Variants in ST7L observed in about 807,000 individuals in gnomAD.
The protein encoded by ST7L is suppression of tumorigenicity 7 like.
Under a neutral mutation model 72.5 loss-of-function variants are expected in ST7L, and 57 were observed. The observed-to-expected ratio is 0.79, with a 90% CI of 0.64 to 0.98. ST7L has a LOEUF of 0.98. Ranked by LOEUF, ST7L falls within the 50% of genes least tolerant of loss-of-function variation. The pLI is 0.00. For missense variants in ST7L, 576 were observed against 672.2 expected, an observed-to-expected ratio of 0.86 and a Z score of 1.58; for synonymous variants, 221 against 240.9, an observed-to-expected ratio of 0.92 and a Z score of 0.77.
downstream of ST7L, chr1:112,520,362 G>A (rs1183203178): frequency 1.9e-6 from 3 of 1,614,156 alleles, no homozygotes; most frequent in Non-Finnish European, 2.5e-6. Context: ...GTGGCCGAGG[G>A]TACGACACAA....
chr1:112,584,285 C>T (rs1409313688), intron 6 of ST7L, among the ~76,000 whole-genome samples, 159 bp from the exon 7 acceptor site: 4 of 151,260 alleles, frequency 2.6e-5, no homozygotes, highest in African/African-American at 9.7e-5. Flanking sequence ...AATAGGGGCA[C>T]ATTGGTATAT....
chr1:112,619,060 T>A lies in ST7L; in HGVS notation c.54A>T (p.Ala18=), dbSNP rs781324128. The change falls in exon 1 of 15, where the codon GCA becomes GCT. Residue 18 remains alanine, a synonymous_variant. Transcript: ENST00000358039. Reference sequence around the variant, plus strand: ...GCGTCGGGTTTAGGCCAGGGACAGATGCAGGAGACGCTCCAACAGCTGCGG... The same window carrying A: ...GCGTCGGGTTTAGGCCAGGGACAGAAGCAGGAGACGCTCCAACAGCTGCGG... ...GEAAAVGASP[A]SVPGLNPTLG... 1.1e-5 allele frequency: 17 copies of A among 1,613,794 alleles called. No homozygotes were observed. In the South Asian group the frequency reaches 1.6e-4, roughly 16 times the overall value.
At chr1:112,591,924 C>T (rs1665779707) in intron 5 of ST7L, among the ~76,000 whole-genome samples, 2 of 151,984 alleles carry the variant, frequency 1.3e-5, no homozygotes, top group South Asian at 4.2e-4. Flanking sequence ...AGTGACATCA[C>T]ATTATAATCA....
At chr1:112,617,919 C>A in intron 1 of ST7L, 3 of 1,135,498 alleles carry the variant, frequency 2.6e-6, no homozygotes, top group South Asian at 2.7e-5. Context: ...ATTAGCTCTT[C>A]AGTTTAGCTT....
At chr1:112,583,651 G>C (rs968143458) in intron 7 of ST7L, among the ~76,000 whole-genome samples, 1 of 152,152 alleles carries the variant, frequency 6.6e-6, no homozygotes, top group Non-Finnish European at 1.5e-5. Flanking sequence ...TCACTAGAAG[G>C]CTCTCCTGAA....
chr1:112,560,174 C>T (rs1338120694), intron 11 of ST7L, among the ~76,000 whole-genome samples: 10 of 152,004 alleles, frequency 6.6e-5, no homozygotes, highest in Admixed American at 6.6e-4. Flanking sequence ...GCGGGAGGAT[C>T]ACGAGGTTAG....
chr1:112,533,380 G>A (rs1347762733), intron 14 of ST7L, among the ~76,000 whole-genome samples: 14 of 151,808 alleles, frequency 9.2e-5, no homozygotes, highest in South Asian at 2.1e-4. Context: ...GTGCAGTGGC[G>A]TGATCCTGGC....
At chr1:112,542,786 A>C (rs1298564641) in intron 13 of ST7L, among the ~76,000 whole-genome samples, 5 of 130,962 alleles carry the variant, frequency 3.8e-5, no homozygotes, top group Admixed American at 7.7e-5. Context: ...TAAATAAATA[A>C]ATACATTTGA....
rs748074418 is a variant in ST7L, at chr1:112,619,084, G to T, written c.30C>A (p.Ala10=). 6.2e-7 allele frequency: 1 copy of T among 1,613,406 alleles called. No homozygotes were observed. Among genetic ancestry groups the T allele is most frequent in the Non-Finnish European group, 8.5e-7 (1 of 1,179,910 alleles). Residue 10 remains alanine, a synonymous_variant, in exon 1 of 15, where the codon GCC becomes GCA. Transcript: ENST00000358039. MADRGGVGE[A]AAVGASPASV... is the part of the protein sequence containing the mutation. ...ATGCAGGAGACGCTCCAACAGCTGC[G>T]GCTTCACCCACGCCGCCACGGTCCG...
intron 11 of ST7L, among the ~76,000 whole-genome samples, chr1:112,562,205 T>C (rs1448419001): frequency 1.3e-5 from 2 of 152,104 alleles, no homozygotes; most frequent in African/African-American, 4.8e-5. Flanking sequence ...TGGGCTCAAG[T>C]GATCCTCTCA....
intron 14 of ST7L, 148 bp downstream of exon 14, chr1:112,541,803 T>C: frequency 7.4e-7 from 1 of 1,348,130 alleles, no homozygotes; most frequent in African/African-American, 1.5e-5. Flanking sequence ...ATGTTTGATG[T>C]ATTTATGGCA....
intron 14 of ST7L, among the ~76,000 whole-genome samples, chr1:112,533,948 G>A (rs544740007): frequency 6.6e-6 from 1 of 152,290 alleles, no homozygotes; most frequent in Admixed American, 6.5e-5. Flanking sequence ...CCAAAGTGCT[G>A]GGATTACAGG....
chr1:112,533,470 C>T (rs948626226), intron 14 of ST7L, among the ~76,000 whole-genome samples: 3 of 152,050 alleles, frequency 2.0e-5, no homozygotes, highest in Admixed American at 2.0e-4. Context: ...AGGCGCGCCA[C>T]CACGCCCAGC....
Position 112,598,028 on chromosome 1 carries a change from G to A in ST7L, c.565C>T (p.Gln189Ter). The A allele has an allele frequency of 6.2e-7, 1 of 1,613,698 alleles. No individual in the cohort carries two copies. The highest frequency in any genetic ancestry group is 8.5e-7 in the Non-Finnish European group (1 of 1,179,906). Residue 189 changes from glutamine (Q) to a stop codon, truncating the protein, a stop_gained, in exon 5 of 15, where the codon CAG becomes TAG. Transcript: ENST00000358039. LOFTEE classifies it high-confidence loss of function. The stretch of plus-strand genomic sequence containing the variant: ...CAGGTGAAAAAGGTCTGATGGTCCT[G>A]AGCTGACAGGTTCATGTCATAGTAT... ...LTYYDMNLSA[Q>*]DHQTFFTCDT...
intron 9 of ST7L, among the ~76,000 whole-genome samples, chr1:112,579,228 C>CA (rs2101850473): frequency 6.6e-6 from 1 of 151,364 alleles, no homozygotes; most frequent in South Asian, 2.1e-4. Context: ...ACTAAAAATA[C>CA]AAAAAATTAG....
chr1:112,529,290 G>C (rs1349455397), intron 14 of ST7L: 2 of 152,176 alleles, frequency 1.3e-5, no homozygotes, highest in African/African-American at 2.4e-5. Flanking sequence ...ACCAGTGATA[G>C]CATTTGTTAG....
intron 14 of ST7L, 69 bp downstream of exon 14, chr1:112,541,871 TGGGTTAGCACA>T: frequency 6.5e-7 from 1 of 1,544,444 alleles, no homozygotes; most frequent in Middle Eastern, 1.7e-4. Flanking sequence ...ATTGTTCAGC[TGGGTTAGCACA>T]GGCAGATCAG....
chr1:112,550,610 GCTCT>G lies in ST7L; in HGVS notation c.1476_1479del (p.Arg492SerfsTer33). On this transcript the variant is annotated frameshift_variant, in exon 13 of 15. Transcript: ENST00000358039. LOFTEE classifies it high-confidence loss of function. The stretch of plus-strand genomic sequence containing the variant: ...TAAAATATTTACTTACTAGGTAATA[GCTCT>G]CTATCAGCCGTCTCTGTGCAGCTGG... The G allele has an allele frequency of 6.2e-7, 1 of 1,611,300 alleles. No homozygotes were observed. Among genetic ancestry groups the G allele is most frequent in the Middle Eastern group, 1.7e-4 (1 of 6,050 alleles).
At chr1:112,592,772 T>A (rs1665896635) in intron 5 of ST7L, among the ~76,000 whole-genome samples, 1 of 152,192 alleles carries the variant, frequency 6.6e-6, no homozygotes, top group African/African-American at 2.4e-5. Context: ...CAAATTCCCT[T>A]TTGATGGACA....
Sources: gnomAD v4.1 joint callset for allele counts (sites outside exome capture counted in the v4.1 genomes callset) on GRCh38, gnomAD v4.1.1 for gene constraint, MANE v1.5 for transcripts, NCBI Gene and HGNC (gene_info 2026-07-23, HGNC 2026-07-21) for gene names.